The following ARG2 variants were observed in gnomAD, a reference collection of about 807,000 sequenced individuals.
ARG2 encodes arginase-2, mitochondrial.
Under a neutral mutation model 39.4 loss-of-function variants are expected in ARG2, and 21 were observed. The ratio of observed to expected loss-of-function variants is 0.53; its 90% confidence interval spans 0.38 to 0.77. The LOEUF is 0.77. Ranked by LOEUF, ARG2 falls within the 30% of genes least tolerant of loss-of-function variation. The probability of loss-of-function intolerance (pLI) is 0.00; values close to 1 mark genes in which losing one functional copy is unlikely to be tolerated. For synonymous variants in ARG2, 150 were observed against 156.7 expected (o/e 0.96, Z 0.32); for missense variants, 378 against 426.2 (o/e 0.89, Z 1.00).
intron 2 of ARG2, among the ~76,000 whole-genome samples, chr14:67,632,808 A>ATTTTTTTTTTTT (rs55642854): frequency 3.2e-5 from 2 of 62,360 alleles, no homozygotes; most frequent in African/African-American, 6.7e-5. Flanking sequence ...AAGCCTCTTA[A>ATTTTTTTTTTTT]TTTTTTTTTT....
intron 3 of ARG2, among the ~76,000 whole-genome samples, chr14:67,642,790 TTTC>T (rs1383412057): frequency 1.6e-4 from 20 of 129,020 alleles, no homozygotes; most frequent in African/African-American, 3.7e-4. Flanking sequence ...GTTACTACAT[TTTC>T]TTTTTTTTTT....
intron 4 of ARG2, among the ~76,000 whole-genome samples, chr14:67,646,090 C>A (rs986227044): frequency 6.6e-6 from 1 of 152,334 alleles, no homozygotes; most frequent in Middle Eastern, 3.4e-3. Flanking sequence ...TACTCTCAGA[C>A]ACACTGATCT....
intron 2 of ARG2, among the ~76,000 whole-genome samples, chr14:67,634,944 C>G (rs989699629): frequency 6.6e-6 from 1 of 152,170 alleles, no homozygotes; most frequent in African/African-American, 2.4e-5. Context: ...ACAGATATCT[C>G]AAGACACATG....
intron 3 of ARG2, among the ~76,000 whole-genome samples, chr14:67,644,646 G>C (rs546818265): frequency 6.6e-6 from 1 of 152,234 alleles, no homozygotes; most frequent in Non-Finnish European, 1.5e-5. Context: ...CAGAACAGTT[G>C]GCTAATGTAA....
At chr14:67,626,809 CAT>C (rs1801480165) in intron 2 of ARG2, among the ~76,000 whole-genome samples, 1 of 152,178 alleles carries the variant, frequency 6.6e-6, no homozygotes, top group Non-Finnish European at 1.5e-5. Context: ...TAATGGTCAA[CAT>C]GTGGAAACTC....
In ARG2 at chr14:67,619,976, TCATGTCCCTA is replaced by T. The variant is rs1418455998; in HGVS notation, c.-1_9del. 2 of 1,588,492 alleles carry T rather than the reference TCATGTCCCTA, an allele frequency of 1.3e-6. No homozygotes were observed. Among genetic ancestry groups the T allele is most frequent in the Non-Finnish European group, 1.7e-6 (2 of 1,167,812 alleles). ...CCTTGGAGATTCTCAGTGCTGCGGA[TCATGTCCCTA>T]AGGGGCAGCCTCTCGCGTCTCCTCC... is the stretch of plus-strand genomic sequence containing the variant. On this transcript the variant is annotated start_lost and 5_prime_UTR_variant, in exon 1 of 8. Transcript: ENST00000261783.
chr14:67,650,636 C>A, intron 7 of ARG2, 79 bp from the exon 8 acceptor site: 1 of 1,349,342 alleles, frequency 7.4e-7, no homozygotes, highest in Non-Finnish European at 1.1e-6. Context: ...TTGGCTTGTT[C>A]TCCCTGTCCC....
At chr14:67,641,669 G>A (rs910864384) in intron 2 of ARG2, among the ~76,000 whole-genome samples, 1 of 152,198 alleles carries the variant, frequency 6.6e-6, no homozygotes, top group Non-Finnish European at 1.5e-5. Flanking sequence ...GGCCAGGCAG[G>A]TGGCTCATGC....
chr14:67,629,140 C>T (rs1248717920), intron 2 of ARG2, among the ~76,000 whole-genome samples: 1 of 152,084 alleles, frequency 6.6e-6, no homozygotes, highest in Non-Finnish European at 1.5e-5. Context: ...TTGAGACCAG[C>T]CTGGGCAACT....
chr14:67,622,658 C>T (rs8012815), intron 2 of ARG2, among the ~76,000 whole-genome samples: 49,425 of 152,108 alleles, frequency 0.32, 8,632 homozygotes, highest in African/African-American at 0.46. Flanking sequence ...CTTGTACACA[C>T]TGCCTTTTTA....
In ARG2 at chr14:67,641,074, G is replaced by A. The variant is rs1388933449; in HGVS notation, c.185-1112G>A. On this transcript the variant is annotated intron_variant, in intron 2 of 7. Coordinates refer to ENST00000261783, the MANE Select transcript of ARG2 (RefSeq NM_001172.4). ...CAGTAGCATATAAATTCAGAGTCAG[G>A]AAGATGGTGATGCCAAACAATCATA... Among the ~76,000 whole-genome samples the A allele has an allele frequency of 5.3e-5, 8 of 152,338 alleles. No individual in the cohort carries two copies. In the East Asian group the frequency reaches 1.3e-3, roughly 26 times the overall value.
chr14:67,647,234 T>A (rs2037112576), intron 6 of ARG2: 1 of 459,558 alleles, frequency 2.2e-6, no homozygotes, highest in South Asian at 4.3e-5. Flanking sequence ...ATTGCCTAGA[T>A]CTTCTGTCTC....
intron 5 of ARG2, 69 bp downstream of exon 5, chr14:67,646,807 T>C: frequency 6.8e-7 from 1 of 1,460,528 alleles, no homozygotes; most frequent in East Asian, 2.3e-5. Flanking sequence ...GAAAGGCTGA[T>C]GCTTAACTTG....
chr14:67,642,166 C>A lies in ARG2; in HGVS notation c.185-20C>A. ...AGATAGCACAGAAAATTCATCTTGT[C>A]ATCCCTCATTTGCTTCCAGGCTGCC... is the stretch of plus-strand genomic sequence containing the variant. On this transcript the variant is annotated intron_variant, in intron 2 of 7. Transcript: ENST00000261783. 1 of 1,610,372 alleles carries A rather than the reference C, an allele frequency of 6.2e-7. No individual in the cohort carries two copies. The highest frequency in any genetic ancestry group is 1.1e-5 in the South Asian group (1 of 90,826).
chr14:67,626,478 C>G (rs2036867229), intron 2 of ARG2, among the ~76,000 whole-genome samples: 1 of 152,122 alleles, frequency 6.6e-6, no homozygotes, highest in Non-Finnish European at 1.5e-5. Flanking sequence ...CAAATCCATT[C>G]CTATGTATAT....
At chr14:67,630,860 G>C in intron 2 of ARG2, among the ~76,000 whole-genome samples, 1 of 152,220 alleles carries the variant, frequency 6.6e-6, no homozygotes, top group East Asian at 1.9e-4. Flanking sequence ...TGGGATTACA[G>C]GTGTGAGCCA....
At chr14:67,631,520 C>CAGG in intron 2 of ARG2, among the ~76,000 whole-genome samples, 1 of 149,982 alleles carries the variant, frequency 6.7e-6, no homozygotes, top group Non-Finnish European at 1.5e-5. Context: ...ACTACAGCCT[C>CAGG]CACCTCCCAG....
intron 3 of ARG2, 84 bp downstream of exon 3, chr14:67,642,447 T>A: frequency 6.8e-7 from 1 of 1,465,112 alleles, no homozygotes; most frequent in Non-Finnish European, 9.2e-7. Flanking sequence ...TGTTTCTTCA[T>A]CTGGAGAAAA....
At chr14:67,633,466 C>T (rs2036939474) in intron 2 of ARG2, among the ~76,000 whole-genome samples, 2 of 152,196 alleles carry the variant, frequency 1.3e-5, no homozygotes, top group Admixed American at 6.5e-5. Flanking sequence ...CATGTGCTTT[C>T]AACAGGATAG....
Sources: allele counts gnomAD v4.1 joint callset (sites outside exome capture counted in the v4.1 genomes callset), GRCh38; gene constraint gnomAD v4.1.1; transcripts MANE v1.5; gene names NCBI Gene and HGNC (gene_info 2026-07-23, HGNC 2026-07-21).